NRCAM: variants seen among roughly 807,000 people sequenced by gnomAD.
NRCAM encodes neuronal cell adhesion molecule.
Under a neutral mutation model 156.5 loss-of-function variants are expected in NRCAM, and 83 were observed. The observed-to-expected ratio is 0.53, with a 90% CI of 0.44 to 0.64. NRCAM has a LOEUF of 0.64. NRCAM is among the 30% of genes least tolerant of loss of function. The pLI is 0.00. For missense variants in NRCAM, 1,417 were observed against 1,597.3 expected (o/e 0.89, Z 1.92); for synonymous variants, 538 against 563.9 (o/e 0.95, Z 0.65).
intron 1 of NRCAM, among the ~76,000 whole-genome samples, chr7:108,421,134 A>G (rs1809040279): frequency 6.6e-6 from 1 of 152,148 alleles, no homozygotes. Context: ...ACATTATGGT[A>G]GGTGCTTAGC....
chr7:108,223,831 AT>A lies in NRCAM; in HGVS notation c.783del (p.Lys261AsnfsTer11). ...NLSDTEFYGAKSSRERPPTFL... is the reference protein window; with the variant it reads ...NLSDTEFYGAXSSRERPPTFL... ...AATGTTGGTGGCCTCTCTCTACTTG[AT>A]TTAGCTGCAAACAAGAAAATCAGTA... On this transcript the variant is annotated frameshift_variant, in exon 11 of 33. Transcript: ENST00000379028. LOFTEE classifies it high-confidence loss of function. The A allele has an allele frequency of 6.6e-7, 1 of 1,520,334 alleles. No homozygotes were observed. Among genetic ancestry groups the A allele is most frequent in the Non-Finnish European group, 9.1e-7 (1 of 1,095,348 alleles). The allele number at this position is 1,520,334 out of a possible 1,614,324, so 94.2% of individuals were successfully genotyped here. A position where few individuals can be genotyped will look rare whatever the true frequency, so the allele number is the denominator to read the frequency against.
At chr7:108,198,444 G>A (rs116373613) in intron 13 of NRCAM, among the ~76,000 whole-genome samples, 2,253 of 151,748 alleles carry the variant, frequency 0.015, 48 homozygotes, top group African/African-American at 0.047. Context: ...ACAATGTGCA[G>A]GTTTGTTACA....
chr7:108,361,283 C>T (rs928914129), intron 2 of NRCAM, among the ~76,000 whole-genome samples: 2 of 152,190 alleles, frequency 1.3e-5, no homozygotes, highest in African/African-American at 4.8e-5. Flanking sequence ...CAAAGTTAAA[C>T]ATAGTCTTAC....
At chr7:108,160,717 A>T (rs1209505136) in intron 30 of NRCAM, among the ~76,000 whole-genome samples, 3 of 152,214 alleles carry the variant, frequency 2.0e-5, no homozygotes, top group Non-Finnish European at 4.4e-5. Context: ...AATAATCATC[A>T]CATTAAATGC....
At chr7:108,329,992 A>G (rs1282451453) in intron 2 of NRCAM, among the ~76,000 whole-genome samples, 1 of 152,230 alleles carries the variant, frequency 6.6e-6, no homozygotes, top group South Asian at 2.1e-4. Flanking sequence ...TGCTATGTAT[A>G]TGTGTTACTA....
intron 4 of NRCAM, among the ~76,000 whole-genome samples, chr7:108,238,554 C>T (rs1482431332): frequency 1.3e-5 from 2 of 152,146 alleles, no homozygotes; most frequent in South Asian, 2.1e-4. Context: ...GCCTCTTCTC[C>T]GTTAGCAGTG....
chr7:108,331,265 G>C (rs1167101481), intron 2 of NRCAM, among the ~76,000 whole-genome samples: 1 of 151,932 alleles, frequency 6.6e-6, no homozygotes, highest in Non-Finnish European at 1.5e-5. Flanking sequence ...GGGTGTAGTG[G>C]TGCACACCTG....
At chr7:108,151,240 C>T (rs1405408336) in intron 32 of NRCAM, among the ~76,000 whole-genome samples, 1 of 150,098 alleles carries the variant, frequency 6.7e-6, no homozygotes, top group African/African-American at 2.5e-5. Flanking sequence ...AAGGCAATGA[C>T]AGGATCTAAC....
intron 2 of NRCAM, among the ~76,000 whole-genome samples, chr7:108,335,500 C>T (rs2099174954): frequency 7.7e-6 from 1 of 129,166 alleles, no homozygotes; most frequent in Admixed American, 9.4e-5. Context: ...TGGCTGGCTG[C>T]CAACTAAGGG....
At chr7:108,226,933 C>G (rs1159200529) in intron 8 of NRCAM, among the ~76,000 whole-genome samples, 1 of 152,174 alleles carries the variant, frequency 6.6e-6, no homozygotes, top group Non-Finnish European at 1.5e-5. Context: ...GGCCAGCTGA[C>G]AGTAACTGGG....
chr7:108,411,529 A>C (rs1432702598), intron 1 of NRCAM, among the ~76,000 whole-genome samples: 4 of 152,178 alleles, frequency 2.6e-5, no homozygotes, highest in Admixed American at 2.0e-4. Flanking sequence ...ACATGGGCCT[A>C]GATCTTTTCT....
chr7:108,268,630 G>GGGC (rs1554431667), intron 3 of NRCAM, among the ~76,000 whole-genome samples: 1 of 119,338 alleles, frequency 8.4e-6, no homozygotes, highest in Non-Finnish European at 1.9e-5. Context: ...GGGGGTGGGG[G>GGGC]GGGGTTGGGG....
intron 2 of NRCAM, among the ~76,000 whole-genome samples, chr7:108,374,972 TGA>T (rs2099667314): frequency 6.6e-6 from 1 of 152,158 alleles, no homozygotes; most frequent in Admixed American, 6.6e-5. Flanking sequence ...AAATATTTAT[TGA>T]GAGTCAGTAC....
intron 3 of NRCAM, among the ~76,000 whole-genome samples, chr7:108,263,446 C>T (rs1365076323): frequency 5.3e-4 from 80 of 152,194 alleles, no homozygotes; most frequent in Non-Finnish European, 1.2e-4. Flanking sequence ...GTGCAAAGGG[C>T]CATAAGAGCC....
chr7:108,355,852 C>T (rs73420238), intron 2 of NRCAM, among the ~76,000 whole-genome samples: 15,141 of 152,190 alleles, frequency 0.099, 931 homozygotes, highest in African/African-American at 0.17. Context: ...ACAATGCCTA[C>T]GTTACTCACC....
intron 14 of NRCAM, among the ~76,000 whole-genome samples, chr7:108,196,480 C>T (rs1219334833): frequency 6.6e-6 from 1 of 152,064 alleles, no homozygotes; most frequent in Non-Finnish European, 1.5e-5. Context: ...TCAAATAATT[C>T]AATAGTAAGA....
At chr7:108,379,948 G>A (rs2099693629) in intron 2 of NRCAM, among the ~76,000 whole-genome samples, 1 of 152,120 alleles carries the variant, frequency 6.6e-6, no homozygotes, top group South Asian at 2.1e-4. Context: ...AAAAAGTAAT[G>A]GCTGAGATTT....
chr7:108,152,422 G>A (rs1337310299), intron 32 of NRCAM, among the ~76,000 whole-genome samples: 4 of 150,984 alleles, frequency 2.6e-5, no homozygotes, highest in African/African-American at 9.7e-5. Flanking sequence ...TGGGGGGAGG[G>A]AGAGAGAGAG....
intron 28 of NRCAM, among the ~76,000 whole-genome samples, chr7:108,174,459 T>C (rs559280704): frequency 2.6e-5 from 4 of 152,346 alleles, no homozygotes; most frequent in African/African-American, 9.6e-5. Context: ...CCCCTGACCA[T>C]GGGCATGCCA....
Sources: allele counts gnomAD v4.1 joint callset (sites outside exome capture counted in the v4.1 genomes callset), GRCh38; gene constraint gnomAD v4.1.1; transcripts MANE v1.5; gene names NCBI Gene and HGNC (gene_info 2026-07-23, HGNC 2026-07-21).